The following TANC1 variants were observed in gnomAD, a reference collection of about 807,000 sequenced individuals.
TANC1 encodes protein TANC1.
TANC1 carries 77 observed loss-of-function variants against 149.7 expected under a neutral mutation model. The observed-to-expected ratio is 0.51, with a 90% CI of 0.43 to 0.62. The LOEUF (loss-of-function observed/expected upper bound fraction) is 0.62, where lower values mean the gene tolerates loss of function less well. TANC1 is among the 20% of genes least tolerant of loss of function. The probability of loss-of-function intolerance (pLI) is 0.00; values close to 1 mark genes in which losing one functional copy is unlikely to be tolerated. For synonymous variants in TANC1, 854 were observed against 925.0 expected (o/e 0.92, Z 1.39); for missense variants, 1,985 against 2,321.8 (o/e 0.85, Z 2.98).
At chr2:159,151,130 C>T (rs543575940) in intron 7 of TANC1, among the ~76,000 whole-genome samples, 8 of 152,206 alleles carry the variant, frequency 5.3e-5, no homozygotes, top group South Asian at 2.1e-4. Context: ...ACTCTTACGC[C>T]GATTTGCCCG....
At chr2:159,214,691 G>A (rs1001979199) in intron 19 of TANC1, among the ~76,000 whole-genome samples, 1 of 152,212 alleles carries the variant, frequency 6.6e-6, no homozygotes, top group Non-Finnish European at 1.5e-5. Flanking sequence ...CATCTTGACA[G>A]CTGGCAGATG....
intron 19 of TANC1, among the ~76,000 whole-genome samples, chr2:159,205,741 A>G (rs1310577179): frequency 2.0e-5 from 3 of 152,236 alleles, no homozygotes; most frequent in African/African-American, 7.2e-5. Context: ...CATCCCTGTC[A>G]TTGATGATGT....
rs367805586 is a variant in TANC1, at chr2:159,230,545, A to T, written c.5119A>T (p.Thr1707Ser). ...TACTAGAATTAAAGACAAGGTTGTAACCCACGTTCAGAGCGGTACAGCTGA... is the reference window on the plus strand; with the variant it reads ...TACTAGAATTAAAGACAAGGTTGTATCCCACGTTCAGAGCGGTACAGCTGA... Reference protein sequence around the residue: ...PDTRIKDKVVTHVQSGTAEHR... With the variant: ...PDTRIKDKVVSHVQSGTAEHR... Residue 1707 changes from threonine to serine, a missense_variant, in exon 27 of 27, where the codon ACC becomes TCC. Thr to Ser is a moderately conservative substitution (Grantham distance 58, BLOSUM62 1). Coordinates refer to ENST00000263635, the MANE Select transcript of TANC1 (RefSeq NM_033394.3). This position sits in a 1 kb window ranked among gnomAD's most constrained non-coding sequence, Gnocchi z 4.4. 7 of 1,614,136 alleles carry T rather than the reference A, an allele frequency of 4.3e-6. No homozygotes were observed. Among genetic ancestry groups the T allele is most frequent in the Non-Finnish European group, 5.1e-6 (6 of 1,180,030 alleles).
Position 159,176,532 on chromosome 2 carries a change from C to T in TANC1, c.1902+14C>T. On this transcript the variant is annotated intron_variant, in intron 13 of 26. Transcript: ENST00000263635. ...GCAAATTTTCAGGTAACAAAGAATT[C>T]TCAAATCTTTCTCCAAGTCCCCATT... 1 of 1,576,782 alleles carries T rather than the reference C, an allele frequency of 6.3e-7. No individual in the cohort carries two copies.
In TANC1 at chr2:159,169,336, C is replaced by T. The variant is rs774883188; in HGVS notation, c.1033C>T (p.His345Tyr). Residue 345 changes from histidine (H) to tyrosine (Y), a missense_variant, in exon 9 of 27, where the codon CAC becomes TAC. Physicochemically the swap from His to Tyr is moderately conservative, Grantham distance 83 (BLOSUM62 2). Transcript: ENST00000263635. ...ACGGACGTCAATTAGATTACCATGG[C>T]ACAATACGGCCGGAGGTAGGGCACA... is the stretch of plus-strand genomic sequence containing the variant. ...PLRTSIRLPW[H>Y]NTAGGRAQEV... is the part of the protein sequence containing the mutation. The T allele has an allele frequency of 6.2e-7, 1 of 1,613,922 alleles. No individual in the cohort carries two copies. Among genetic ancestry groups the T allele is most frequent in the Admixed American group, 1.7e-5 (1 of 60,010 alleles).
rs768719019 is a variant in TANC1, at chr2:159,219,701, T to C, written c.3512T>C (p.Leu1171Pro). The change falls in exon 22 of 27, where the codon CTT becomes CCT. Residue 1171 changes from leucine (L) to proline (P), a missense_variant. Leu to Pro is a moderately conservative substitution (Grantham distance 98, BLOSUM62 -3). Coordinates refer to ENST00000263635, the MANE Select transcript of TANC1 (RefSeq NM_033394.3). ...TGGGCTTTCCTTTCAGGTGCAGCCC[T>C]TTCTTCTCTAGACAAAGAGGGTCTG... ...VEFLLSKGAALSSLDKEGLSA... is the reference protein window; with the variant it reads ...VEFLLSKGAAPSSLDKEGLSA... The C allele has an allele frequency of 8.7e-6, 14 of 1,614,106 alleles. No individual in the cohort carries two copies. Among genetic ancestry groups the C allele is most frequent in the South Asian group, 1.1e-5 (1 of 91,090 alleles).
intron 1 of TANC1, among the ~76,000 whole-genome samples, chr2:158,983,070 G>C (rs2034554674): frequency 6.6e-6 from 1 of 152,184 alleles, no homozygotes; most frequent in Admixed American, 6.5e-5. Flanking sequence ...ATGGGAGTTG[G>C]TTGCTTATAT....
intron 19 of TANC1, among the ~76,000 whole-genome samples, chr2:159,212,404 C>G (rs976607463): frequency 6.6e-6 from 1 of 152,152 alleles, no homozygotes; most frequent in Non-Finnish European, 1.5e-5. Flanking sequence ...AAGAATCATG[C>G]GTGTTCAGGG....
chr2:159,143,070 A>AAAAAAAAC (rs1553573267), intron 5 of TANC1, among the ~76,000 whole-genome samples: 1 of 77,868 alleles, frequency 1.3e-5, no homozygotes, highest in Non-Finnish European at 2.9e-5. Flanking sequence ...CTCAAAAAAA[A>AAAAAAAAC]AAAAAAAACA....
intron 3 of TANC1, among the ~76,000 whole-genome samples, chr2:159,088,110 C>T (rs1485093117): frequency 6.6e-6 from 1 of 151,806 alleles, no homozygotes; most frequent in Non-Finnish European, 1.5e-5. Context: ...AAGTAAACTT[C>T]TGTTGTTTAG....
At chr2:159,093,283 T>C (rs1461006965) in intron 3 of TANC1, among the ~76,000 whole-genome samples, 1 of 152,246 alleles carries the variant, frequency 6.6e-6, no homozygotes, top group Admixed American at 6.5e-5. Flanking sequence ...AAACAGTATC[T>C]ATTCAAGGGT....
At chr2:159,166,286 C>T (rs2054589518) in intron 8 of TANC1, among the ~76,000 whole-genome samples, 1 of 152,188 alleles carries the variant, frequency 6.6e-6, no homozygotes, top group Non-Finnish European at 1.5e-5. Flanking sequence ...TTTCCTAAAA[C>T]TGGTCATTGC....
intron 2 of TANC1, among the ~76,000 whole-genome samples, chr2:159,016,863 T>C (rs780093502): frequency 3.9e-5 from 6 of 152,256 alleles, no homozygotes; most frequent in East Asian, 3.9e-4. Flanking sequence ...TGTGAGCCAC[T>C]GCACCCAGCC....
intron 5 of TANC1, among the ~76,000 whole-genome samples, chr2:159,143,180 T>C (rs577763665): frequency 2.6e-4 from 39 of 152,112 alleles, no homozygotes; most frequent in African/African-American, 8.9e-4. Flanking sequence ...TTTTGGGAAA[T>C]TTTACACCTG....
At chr2:159,207,803 T>C (rs2150822450) in intron 19 of TANC1, among the ~76,000 whole-genome samples, 1 of 150,704 alleles carries the variant, frequency 6.6e-6, no homozygotes, top group East Asian at 2.0e-4. Flanking sequence ...CTTATTTTCC[T>C]CATCTGTAAC....
intron 4 of TANC1, among the ~76,000 whole-genome samples, chr2:159,105,440 G>A (rs1458216923): frequency 2.0e-5 from 3 of 152,088 alleles, no homozygotes; most frequent in Admixed American, 6.5e-5. Context: ...TTACACTCAC[G>A]TTGTTGTACA....
Position 159,031,834 on chromosome 2 carries a change from G to A in TANC1, c.-16+30645G>A, listed in dbSNP as rs995833694. Among the ~76,000 whole-genome samples, 8 of 152,260 alleles carry A rather than the reference G, an allele frequency of 5.3e-5. No individual in the cohort carries two copies. The South Asian group carries it at 1.2e-3, about 24-fold the overall frequency. On this transcript the variant is annotated intron_variant, in intron 2 of 26. Transcript: ENST00000263635. ...GTGGTTCACATGGGCATGCATAACA[G>A]TACAGAATTTATTCCTTGGCTCTGT...
intron 2 of TANC1, among the ~76,000 whole-genome samples, chr2:159,054,126 G>A (rs2041673485): frequency 6.6e-6 from 1 of 152,124 alleles, no homozygotes; most frequent in African/African-American, 2.4e-5. Context: ...ACCACTCCCT[G>A]GGGGCTGGTC....
rs2057038693 is a variant in TANC1, at chr2:159,187,079, C to CGT, written c.2742+56_2742+57dup. On this transcript the variant is annotated intron_variant, in intron 16 of 26. Transcript: ENST00000263635. ...GACCCAGCCCTGGCCGGCTGCTGGC[C>CGT]GTTCCTCCAACAGCCCTGTTTCCCT... 2.5e-6 allele frequency: 4 copies of CGT among 1,597,370 alleles called. No individual in the cohort carries two copies. In the African/African-American group the frequency reaches 5.4e-5, roughly 21 times the overall value.
Sources: gnomAD v4.1 joint callset for allele counts (sites outside exome capture counted in the v4.1 genomes callset) on GRCh38, gnomAD v4.1.1 for gene constraint, Gnocchi (gnomAD v3.1) non-coding constraint, MANE v1.5 for transcripts, NCBI Gene and HGNC (gene_info 2026-07-23, HGNC 2026-07-21) for gene names.